Variants in FZD10 observed in about 807,000 individuals in gnomAD.
FZD10 encodes the protein frizzled class receptor 10.
A neutral mutation model predicts 24.4 loss-of-function variants in FZD10; 14 were observed. The observed-to-expected ratio is 0.57, with a 90% CI of 0.38 to 0.90. The LOEUF (loss-of-function observed/expected upper bound fraction) is 0.90. Ranked by LOEUF, FZD10 falls within the 40% of genes least tolerant of loss-of-function variation. FZD10 has a pLI of 0.00. For missense variants in FZD10, 775 were observed against 816.6 expected, an observed-to-expected ratio of 0.95 and a Z score of 0.62; for synonymous variants, 381 against 349.1, an observed-to-expected ratio of 1.09 and a Z score of -1.02.
chr12:130,164,268 G>T lies in FZD10; in HGVS notation c.1326G>T (p.Val442=), dbSNP rs1286864326. Residue 442 remains valine, a synonymous_variant, in exon 1 of 1, where the codon GTG becomes GTT. Coordinates refer to ENST00000229030, the MANE Select transcript of FZD10 (RefSeq NM_007197.4). The surrounding 1 kb of genome is among the most constrained non-coding windows in gnomAD (Gnocchi z 5.3). The part of the protein sequence containing the change: ...ENTDKLEKLM[V]RIGLFSVLYT... ...CGGACAAGCTGGAGAAGCTCATGGT[G>T]CGTATCGGGCTCTTCTCTGTGCTGT... 3 of 1,614,186 alleles carry T rather than the reference G, an allele frequency of 1.9e-6. No homozygotes were observed. The Admixed American group carries it at 5.0e-5, about 27-fold the overall frequency.
rs765524304 is a variant in FZD10 at position 130,163,484 on chromosome 12, C to A, written c.542C>A (p.Pro181Gln). The A allele has an allele frequency of 1.2e-6, 2 of 1,600,998 alleles. No homozygotes were observed. The highest frequency in any genetic ancestry group is 1.7e-6 in the Non-Finnish European group (2 of 1,173,814). Residue 181 changes from proline (P) to glutamine (Q), a missense_variant, in exon 1 of 1, where the codon CCG becomes CAG. Transcript: ENST00000229030. ...CGGCCCCACAGCGCGCAGGAGCACC[C>A]GCTGAAGGACGGGGGCCCCGGGCGC... ...PQRPHSAQEH[P>Q]LKDGGPGRGG...
chr12:130,164,313 T>A lies in FZD10; in HGVS notation c.1371T>A (p.Cys457Ter). 1 of 1,614,152 alleles carries A rather than the reference T, an allele frequency of 6.2e-7. No individual in the cohort carries two copies. ...TGCTGTACACCGTGCCGGCCACCTG[T>A]GTGATCGCCTGCTACTTTTACGAAC... Reference protein sequence around the residue: ...FSVLYTVPATCVIACYFYERL... With the variant: ...FSVLYTVPAT Residue 457 changes from cysteine (C) to a stop codon, truncating the protein, a stop_gained, in exon 1 of 1, where the codon TGT becomes TGA. Transcript: ENST00000229030. LOFTEE classifies it low-confidence loss of function (END_TRUNC). This position sits in a 1 kb window ranked among gnomAD's most constrained non-coding sequence, Gnocchi z 5.3.
rs1176389076 is a variant in FZD10 at position 130,162,633 on chromosome 12, G to A, written c.-310G>A. On this transcript the variant is annotated 5_prime_UTR_variant, in exon 1 of 1. Coordinates refer to ENST00000229030, the MANE Select transcript of FZD10 (RefSeq NM_007197.4). ...ACGCGCCACCTGGGCGCTCCAAGAA[G>A]AGGCCGAAGTTTGCCGCGGCCGTGA... The A allele has an allele frequency of 5.7e-6, 1 of 174,518 alleles. No individual in the cohort carries two copies. Among genetic ancestry groups the A allele is most frequent in the Non-Finnish European group, 1.2e-5 (1 of 82,904 alleles). The allele number at this position is 174,518 out of a possible 1,614,324, so 10.8% of individuals were successfully genotyped here.
rs1871766332 is a variant in FZD10, at chr12:130,164,408, C to T, written c.1466C>T (p.Thr489Met). ...HKCKMNNQTK[T>M]LDCLMAASIP... Reference sequence around the variant, plus strand: ...TGCAAAATGAACAACCAGACTAAAACGCTGGACTGCCTGATGGCCGCCTCC... The same window carrying T: ...TGCAAAATGAACAACCAGACTAAAATGCTGGACTGCCTGATGGCCGCCTCC... Residue 489 changes from threonine to methionine, a missense_variant, in exon 1 of 1, where the codon ACG becomes ATG. By Grantham distance (81) the Thr-to-Met change is moderately conservative. Transcript: ENST00000229030. The surrounding 1 kb of genome is among the most constrained non-coding windows in gnomAD (Gnocchi z 5.3). The T allele has an allele frequency of 1.9e-6, 3 of 1,613,852 alleles. No homozygotes were observed. The highest frequency in any genetic ancestry group is 1.3e-5 in the African/African-American group (1 of 74,922).
In FZD10 at chr12:130,164,113, G is replaced by T. The variant is rs767875954; in HGVS notation, c.1171G>T (p.Val391Phe). ...GGTCTGCTACGTGGGCAGCATGGAC[G>T]TCAACGCGCTCACCGGCTTCGTGCT... is the stretch of plus-strand genomic sequence containing the variant. Reference protein sequence around the residue: ...TGVCYVGSMDVNALTGFVLIP... With the variant: ...TGVCYVGSMDFNALTGFVLIP... The change falls in exon 1 of 1, where the codon GTC becomes TTC. Residue 391 changes from valine (V) to phenylalanine (F), a missense_variant. Val to Phe is a conservative substitution (Grantham distance 50, BLOSUM62 -1). Transcript: ENST00000229030. The surrounding 1 kb of genome is among the most constrained non-coding windows in gnomAD (Gnocchi z 5.3). 6.2e-7 allele frequency: 1 copy of T among 1,613,774 alleles called. No individual in the cohort carries two copies. Among genetic ancestry groups the T allele is most frequent in the South Asian group, 1.1e-5 (1 of 91,074 alleles).
At position 130,165,179 on chromosome 12, in the gene FZD10, G is replaced by A. The variant is rs899894422; in HGVS notation, c.*491G>A. 2 of 167,644 alleles carry A rather than the reference G, an allele frequency of 1.2e-5. No homozygotes were observed. The highest frequency in any genetic ancestry group is 4.8e-5 in the African/African-American group (2 of 41,466). The allele number at this position is 167,644 out of a possible 1,614,324, so 10.4% of individuals were successfully genotyped here. A position where few individuals can be genotyped will look rare whatever the true frequency, so the allele number is the denominator to read the frequency against. On this transcript the variant is annotated 3_prime_UTR_variant, in exon 1 of 1. Transcript: ENST00000229030. The stretch of plus-strand genomic sequence containing the variant: ...CTGCAGAGGAAAGACAGGACCCGGG[G>A]CCCGCCTCACACCCCAGTGGATTTG...
Position 130,162,978 on chromosome 12 carries a change from G to T in FZD10, c.36G>T (p.Leu12=). 6.4e-7 allele frequency: 1 copy of T among 1,562,002 alleles called. No homozygotes were observed. The highest frequency in any genetic ancestry group is 8.7e-7 in the Non-Finnish European group (1 of 1,153,756). Reference sequence around the variant, plus strand: ...CGGGCCCCCGCCTGTGGCTGGTCCTGCAGGTGATGGGCTCGTGCGCCGCCA... The same window carrying T: ...CGGGCCCCCGCCTGTGGCTGGTCCTTCAGGTGATGGGCTCGTGCGCCGCCA... The part of the protein sequence containing the change: ...QRPGPRLWLV[L]QVMGSCAAIS... The change falls in exon 1 of 1, where the codon CTG becomes CTT. Residue 12 remains leucine (L), a synonymous_variant. Coordinates refer to ENST00000229030, the MANE Select transcript of FZD10 (RefSeq NM_007197.4).
Position 130,163,638 on chromosome 12 carries a change from C to T in FZD10, c.696C>T (p.Ala232=). The T allele has an allele frequency of 8.1e-6, 13 of 1,613,154 alleles. No homozygotes were observed. Among genetic ancestry groups the T allele is most frequent in the Non-Finnish European group, 1.1e-5 (13 of 1,180,036 alleles). The change falls in exon 1 of 1, where the codon GCC becomes GCT. Residue 232 remains alanine (A), a synonymous_variant. Coordinates refer to ENST00000229030, the MANE Select transcript of FZD10 (RefSeq NM_007197.4). ...AGCGCTTCGCAGTGGTCTGGCTGGCCATCTGGGCGGTGCTGTGCTTCTTCT... is the reference window on the plus strand; with the variant it reads ...AGCGCTTCGCAGTGGTCTGGCTGGCTATCTGGGCGGTGCTGTGCTTCTTCT... ...EDKRFAVVWL[A]IWAVLCFFSS... is the part of the protein sequence containing the mutation.
chr12:130,163,350 A>G lies in FZD10; in HGVS notation c.408A>G (p.Lys136=). 2 of 1,612,652 alleles carry G rather than the reference A, an allele frequency of 1.2e-6. No homozygotes were observed. The highest frequency in any genetic ancestry group is 1.7e-6 in the Non-Finnish European group (2 of 1,179,890). Residue 136 remains lysine, a synonymous_variant, in exon 1 of 1, where the codon AAA becomes AAG. Transcript: ENST00000229030. ...FKWPDSLDCR[K]LPNKNDPNYL... is the part of the protein sequence containing the mutation. ...GGCCCGACTCCCTGGACTGCCGGAA[A>G]CTCCCCAACAAGAACGACCCCAACT...
chr12:130,162,980 A>G lies in FZD10; in HGVS notation c.38A>G (p.Gln13Arg). The change falls in exon 1 of 1, where the codon CAG becomes CGG. Residue 13 changes from glutamine to arginine, a missense_variant. Gln to Arg is a conservative substitution (Grantham distance 43). Transcript: ENST00000229030. ...RPGPRLWLVLQVMGSCAAISS... is the reference protein window; with the variant it reads ...RPGPRLWLVLRVMGSCAAISS... Reference sequence around the variant, plus strand: ...GGCCCCCGCCTGTGGCTGGTCCTGCAGGTGATGGGCTCGTGCGCCGCCATC... The same window carrying G: ...GGCCCCCGCCTGTGGCTGGTCCTGCGGGTGATGGGCTCGTGCGCCGCCATC... 1.3e-6 allele frequency: 2 copies of G among 1,563,056 alleles called. No homozygotes were observed. Among genetic ancestry groups the G allele is most frequent in the Middle Eastern group, 2.0e-4 (1 of 5,116 alleles).
rs1449062595 is a variant in FZD10, at chr12:130,162,871, C to T, written c.-72C>T. On this transcript the variant is annotated 5_prime_UTR_variant, in exon 1 of 1. Transcript: ENST00000229030. Reference sequence around the variant, plus strand: ...AGCAGGGGTGGAGAGCCGGGGCCAGCAGCAGCCCGTGCCCGGGAGCGGCGG... The same window carrying T: ...AGCAGGGGTGGAGAGCCGGGGCCAGTAGCAGCCCGTGCCCGGGAGCGGCGG... 2 of 1,229,260 alleles carry T rather than the reference C, an allele frequency of 1.6e-6. No individual in the cohort carries two copies. Among genetic ancestry groups the T allele is most frequent in the South Asian group, 1.6e-5 (1 of 61,362 alleles). The allele number at this position is 1,229,260 out of a possible 1,614,324, so 76.1% of individuals were successfully genotyped here. A position where few individuals can be genotyped will look rare whatever the true frequency, so the allele number is the denominator to read the frequency against.
In FZD10 at chr12:130,162,916, C is replaced by A. The variant is rs1251850170; in HGVS notation, c.-27C>A. 1 of 1,463,104 alleles carries A rather than the reference C, an allele frequency of 6.8e-7. No individual in the cohort carries two copies. Among genetic ancestry groups the A allele is most frequent in the African/African-American group, 1.4e-5 (1 of 70,530 alleles). The allele number at this position is 1,463,104 out of a possible 1,614,324, so 90.6% of individuals were successfully genotyped here. ...CGGCGGCGCTGAGGGGCGCGGAGCT[C>A]CCCGCGAGGACACGTCCAACGCCAG... On this transcript the variant is annotated 5_prime_UTR_variant, in exon 1 of 1. Transcript: ENST00000229030.
Position 130,163,842 on chromosome 12 carries a change from C to G in FZD10, c.900C>G (p.Ile300Met). 1 of 1,613,940 alleles carries G rather than the reference C, an allele frequency of 6.2e-7. No homozygotes were observed. Among genetic ancestry groups the G allele is most frequent in the African/African-American group, 1.3e-5 (1 of 75,052 alleles). Residue 300 changes from isoleucine to methionine, a missense_variant, in exon 1 of 1, where the codon ATC (isoleucine) becomes ATG (methionine). Coordinates refer to ENST00000229030, the MANE Select transcript of FZD10 (RefSeq NM_007197.4). ...GGGACAGCGGCCAGCTCTATGTCATCCAGGAGGGACTGGAGAGCACCGGCT... is the reference window on the plus strand; with the variant it reads ...GGGACAGCGGCCAGCTCTATGTCATGCAGGAGGGACTGGAGAGCACCGGCT... ...CDRDSGQLYV[I>M]QEGLESTGCT...
rs542798669 is a variant in FZD10, at chr12:130,164,428, G to A, written c.1486G>A (p.Ala496Thr). ...QTKTLDCLMA[A>T]SIPAVEIFMV... ...TAAAACGCTGGACTGCCTGATGGCC[G>A]CCTCCATCCCCGCCGTGGAGATCTT... The change falls in exon 1 of 1, where the codon GCC (alanine) becomes ACC (threonine). Residue 496 changes from alanine to threonine, a missense_variant. Physicochemically the swap from Ala to Thr is moderately conservative, Grantham distance 58. Coordinates refer to ENST00000229030, the MANE Select transcript of FZD10 (RefSeq NM_007197.4). This position sits in a 1 kb window ranked among gnomAD's most constrained non-coding sequence, Gnocchi z 5.3. The A allele has an allele frequency of 3.1e-6, 5 of 1,613,814 alleles. No homozygotes were observed. Among genetic ancestry groups the A allele is most frequent in the East Asian group, 4.5e-5 (2 of 44,874 alleles).
rs1871682948 is a variant in FZD10, at chr12:130,162,660, T to G, written c.-283T>G. 8 of 192,238 alleles carry G rather than the reference T, an allele frequency of 4.2e-5. No individual in the cohort carries two copies. In the East Asian group the frequency reaches 8.3e-4, roughly 20 times the overall value. The allele number at this position is 192,238 out of a possible 1,614,324, so 11.9% of individuals were successfully genotyped here. On this transcript the variant is annotated 5_prime_UTR_variant, in exon 1 of 1. Coordinates refer to ENST00000229030, the MANE Select transcript of FZD10 (RefSeq NM_007197.4). ...GGCCGAAGTTTGCCGCGGCCGTGAG[T>G]TGGAGCTCGCGCCGGGCCGCTGCGC...
rs1404939027 is a variant in FZD10, at chr12:130,162,801, T to C, written c.-142T>C. 1 of 427,996 alleles carries C rather than the reference T, an allele frequency of 2.3e-6. No individual in the cohort carries two copies. Among genetic ancestry groups the C allele is most frequent in the Admixed American group, 4.7e-5 (1 of 21,210 alleles). 26.5% of individuals were successfully genotyped at this position (427,996 alleles called of 1,614,324 possible). A position where few individuals can be genotyped will look rare whatever the true frequency, so the allele number is the denominator to read the frequency against. On this transcript the variant is annotated 5_prime_UTR_variant, in exon 1 of 1. Coordinates refer to ENST00000229030, the MANE Select transcript of FZD10 (RefSeq NM_007197.4). Reference sequence around the variant, plus strand: ...GCGGAGAGCCGAGCCGGGGGCGCTGTGCGCAGCGCTCGGGCCAGGCCGGGC... The same window carrying C: ...GCGGAGAGCCGAGCCGGGGGCGCTGCGCGCAGCGCTCGGGCCAGGCCGGGC...
At position 130,164,073 on chromosome 12, in the gene FZD10, G is replaced by T. The variant is rs1183163232; in HGVS notation, c.1131G>T (p.Gly377=). The T allele has an allele frequency of 6.2e-7, 1 of 1,613,634 alleles. No individual in the cohort carries two copies. Among genetic ancestry groups the T allele is most frequent in the South Asian group, 1.1e-5 (1 of 91,078 alleles). Reference sequence around the variant, plus strand: ...TCCTGGTCATGCGCAGGGTGGCGGGGGACGAGCTCACCGGGGTCTGCTACG... The same window carrying T: ...TCCTGGTCATGCGCAGGGTGGCGGGTGACGAGCTCACCGGGGTCTGCTACG... ...ILILVMRRVA[G]DELTGVCYVG... is the part of the protein sequence containing the mutation. Residue 377 remains glycine (G), a synonymous_variant, in exon 1 of 1, where the codon GGG becomes GGT. Transcript: ENST00000229030. The surrounding 1 kb of genome is among the most constrained non-coding windows in gnomAD (Gnocchi z 5.3).
chr12:130,164,435 T>A lies in FZD10; in HGVS notation c.1493T>A (p.Ile498Asn). The A allele has an allele frequency of 1.2e-6, 2 of 1,613,794 alleles. No homozygotes were observed. The highest frequency in any genetic ancestry group is 1.7e-6 in the Non-Finnish European group (2 of 1,179,992). Reference sequence around the variant, plus strand: ...CTGGACTGCCTGATGGCCGCCTCCATCCCCGCCGTGGAGATCTTCATGGTG... The same window carrying A: ...CTGGACTGCCTGATGGCCGCCTCCAACCCCGCCGTGGAGATCTTCATGGTG... ...KTLDCLMAAS[I>N]PAVEIFMVKI... Residue 498 changes from isoleucine (I) to asparagine (N), a missense_variant, in exon 1 of 1, where the codon ATC becomes AAC. By Grantham distance (149) the Ile-to-Asn change is moderately radical. Transcript: ENST00000229030. The surrounding 1 kb of genome is among the most constrained non-coding windows in gnomAD (Gnocchi z 5.3).
In FZD10 at chr12:130,163,723, C is replaced by G. The variant is rs1371617831; in HGVS notation, c.781C>G (p.Arg261Gly). 6.2e-7 allele frequency: 1 copy of G among 1,613,780 alleles called. No homozygotes were observed. Among genetic ancestry groups the G allele is most frequent in the African/African-American group, 1.3e-5 (1 of 74,948 alleles). ...IDPARFRYPE[R>G]PIIFLSMCYC... The stretch of plus-strand genomic sequence containing the variant: ...CCCGGCCCGCTTCCGCTACCCCGAG[C>G]GCCCCATCATCTTCCTCTCCATGTG... The change falls in exon 1 of 1, where the codon CGC becomes GGC. Residue 261 changes from arginine (R) to glycine (G), a missense_variant. Transcript: ENST00000229030.
Sources: gnomAD v4.1 joint callset for allele counts on GRCh38, gnomAD v4.1.1 for gene constraint, Gnocchi (gnomAD v3.1) non-coding constraint, MANE v1.5 for transcripts, NCBI Gene and HGNC (gene_info 2026-07-23, HGNC 2026-07-21) for gene names.